ANO1: variants seen among roughly 807,000 people sequenced by gnomAD.
ANO1 encodes the protein anoctamin 1, also known as anoctamin-1.
A neutral mutation model predicts 124.0 loss-of-function variants in ANO1; 59 were observed. The ratio of observed to expected loss-of-function variants is 0.48; its 90% CI spans 0.39 to 0.59. The LOEUF (loss-of-function observed/expected upper bound fraction) is 0.59. ANO1 is among the 20% of genes least tolerant of loss of function. ANO1 has a pLI of 0.00. For missense variants in ANO1, 1,059 were observed against 1,328.0 expected (o/e 0.80, Z 3.15); for synonymous variants, 529 against 532.0 (o/e 0.99, Z 0.08).
At chr11:70,098,102 A>C (rs549190600) in intron 2 of ANO1, among the ~76,000 whole-genome samples, 1 of 152,200 alleles carries the variant, frequency 6.6e-6, no homozygotes, top group South Asian at 2.1e-4. Context: ...CCCGAGTCCG[A>C]CGGCAGGAGG....
chr11:70,047,073 T>C (rs1208823029), intron 1 of ANO1, among the ~76,000 whole-genome samples: 2 of 104,484 alleles, frequency 1.9e-5, no homozygotes, highest in Admixed American at 1.1e-4. Context: ...AGAGCGAGAC[T>C]CTGTCTCAAA....
At chr11:69,994,156 G>A (rs1384232867) in intron 1 of ANO1, among the ~76,000 whole-genome samples, 1 of 151,518 alleles carries the variant, frequency 6.6e-6, no homozygotes, top group Non-Finnish European at 1.5e-5. Context: ...TGGGCTAGCT[G>A]AGCATCACCT....
Position 70,187,815 on chromosome 11 carries a change from C to G in ANO1, c.2772C>G (p.His924Gln). 6.2e-7 allele frequency: 1 copy of G among 1,609,518 alleles called. No individual in the cohort carries two copies. Among genetic ancestry groups the G allele is most frequent in the South Asian group, 1.1e-5 (1 of 89,680 alleles). ...CCAAGGACATCAGCCAGCAGATCCA[C>G]AAGGAGAAGGTGCTCATGGTGGAGC... ...DIPKDISQQI[H>Q]KEKVLMVELF... The change falls in exon 26 of 26, where the codon CAC (histidine) becomes CAG (glutamine). Residue 924 changes from histidine (H) to glutamine (Q), a missense_variant. Transcript: ENST00000355303.
Position 70,121,435 on chromosome 11 carries a change from TCTCTGTCTCTGTCTCTCCATCTGC to T in ANO1, c.898-2897_898-2874del, listed in dbSNP as rs2046264394. Among the ~76,000 whole-genome samples the T allele has an allele frequency of 2.0e-5, 3 of 150,452 alleles. No homozygotes were observed. In the South Asian group the frequency reaches 6.4e-4, roughly 32 times the overall value. On this transcript the variant is annotated intron_variant, in intron 8 of 25. Coordinates refer to ENST00000355303, the MANE Select transcript of ANO1 (RefSeq NM_018043.7). ...TGTCTCCCCCACCTCTCTGTCAGTC[TCTCTGTCTCTGTCTCTCCATCTGC>T]CTCTGTCTCTGTCTCTCTCCATCTC...
At chr11:70,154,284 A>G (rs2047716806) in intron 14 of ANO1, among the ~76,000 whole-genome samples, 2 of 151,884 alleles carry the variant, frequency 1.3e-5, no homozygotes, top group Admixed American at 1.3e-4. Context: ...TTCCTTGTCA[A>G]TGTGTCAGGG....
At chr11:70,043,456 G>A (rs1386387468) in intron 1 of ANO1, among the ~76,000 whole-genome samples, 1 of 152,118 alleles carries the variant, frequency 6.6e-6, no homozygotes. Flanking sequence ...TTAATGAGAA[G>A]TATAAGCCCA....
upstream of ANO1, among the ~76,000 whole-genome samples, chr11:69,983,207 G>A (rs1454593276): frequency 3.3e-5 from 5 of 151,914 alleles, no homozygotes; most frequent in African/African-American, 1.2e-4. Context: ...TCCGGCTTGG[G>A]GTAGGTCTGT....
rs190789637 is a variant in ANO1, at chr11:69,997,917, C to T, written c.58+11751C>T. Among the ~76,000 whole-genome samples the T allele has an allele frequency of 3.0e-3, 458 of 152,276 alleles. 1 individual carries two copies. The highest frequency in any genetic ancestry group is 0.01 in the African/African-American group (428 of 41,536). On this transcript the variant is annotated intron_variant, in intron 1 of 27. Transcript: ENST00000531349. Reference sequence around the variant, plus strand: ...GCTGCCATGTTTCCTGTACAGCCTGCGGAGCCATCAGCCAAATTAAACCTC... The same window carrying T: ...GCTGCCATGTTTCCTGTACAGCCTGTGGAGCCATCAGCCAAATTAAACCTC...
In ANO1 at chr11:70,161,734, G is replaced by T; in HGVS notation, c.1892+1G>T. The T allele has an allele frequency of 6.2e-7, 1 of 1,613,354 alleles. No homozygotes were observed. Among genetic ancestry groups the T allele is most frequent in the South Asian group, 1.1e-5 (1 of 91,064 alleles). ...TTTACGTGGCGTTCTTCAAAGGCCG[G>T]TAGGGACATCTTCAGCCTTTCCCCA... is the stretch of plus-strand genomic sequence containing the variant. On this transcript the variant is annotated splice_donor_variant, in intron 18 of 25. Coordinates refer to ENST00000355303, the MANE Select transcript of ANO1 (RefSeq NM_018043.7). LOFTEE classifies it high-confidence loss of function.
At chr11:70,045,393 A>C (rs1822968378) in intron 1 of ANO1, among the ~76,000 whole-genome samples, 1 of 152,238 alleles carries the variant, frequency 6.6e-6, no homozygotes, top group Non-Finnish European at 1.5e-5. Context: ...TGGAACTGCC[A>C]GGATGTTAAG....
At chr11:70,035,144 A>G (rs1857072215) in intron 1 of ANO1, among the ~76,000 whole-genome samples, 1 of 152,136 alleles carries the variant, frequency 6.6e-6, no homozygotes, top group Non-Finnish European at 1.5e-5. Context: ...GTGCACAGGG[A>G]AACAAGGTGC....
chr11:70,110,820 G>A (rs1343661503), intron 6 of ANO1, among the ~76,000 whole-genome samples: 1 of 152,240 alleles, frequency 6.6e-6, no homozygotes, highest in Non-Finnish European at 1.5e-5. Flanking sequence ...TTTGGAGCAA[G>A]ATCTGATTTC....
In ANO1 at chr11:70,150,321, T is replaced by A. The variant is rs773777263; in HGVS notation, c.1341+529T>A. Reference sequence around the variant, plus strand: ...AAGCCAGTGTTGGGCATCTTCATACTCCAGAGAGAGGGACATTCAATATTA... The same window carrying A: ...AAGCCAGTGTTGGGCATCTTCATACACCAGAGAGAGGGACATTCAATATTA... On this transcript the variant is annotated intron_variant, in intron 12 of 25. Coordinates refer to ENST00000355303, the MANE Select transcript of ANO1 (RefSeq NM_018043.7). 2.0e-5 allele frequency among the ~76,000 whole-genome samples: 3 copies of A among 152,212 alleles called. No individual in the cohort carries two copies. The East Asian group carries it at 5.8e-4, about 29-fold the overall frequency.
rs1590895979 is a variant in ANO1 at position 70,163,704 on chromosome 11, A to C, written c.1950+364A>C. 3.0e-5 allele frequency: 15 copies of C among 492,384 alleles called. No individual in the cohort carries two copies. The East Asian group carries it at 5.4e-4, about 18-fold the overall frequency. The allele number at this position is 492,384 out of a possible 1,614,324, so 30.5% of individuals were successfully genotyped here. ...GTAATCCCAGCACTTTGGGAGGCCG[A>C]GACTCGTGGATCACCTGAGGTCAGG... is the stretch of plus-strand genomic sequence containing the variant. On this transcript the variant is annotated intron_variant, in intron 19 of 25. Coordinates refer to ENST00000355303, the MANE Select transcript of ANO1 (RefSeq NM_018043.7).
chr11:69,991,747 G>A (rs1225265519), intron 1 of ANO1, among the ~76,000 whole-genome samples: 2 of 152,160 alleles, frequency 1.3e-5, no homozygotes, highest in African/African-American at 4.8e-5. Flanking sequence ...ACAATTCCAG[G>A]AGCTGGGATA....
rs777282066 is a variant in ANO1, at chr11:70,105,720, C to T, written c.693-14C>T. On this transcript the variant is annotated splice_polypyrimidine_tract_variant and intron_variant, in intron 4 of 25. Coordinates refer to ENST00000355303, the MANE Select transcript of ANO1 (RefSeq NM_018043.7). ...GGTGAACTGTGTCTTGTTTCCTTCC[C>T]GATATTTCCACAGATTTGACTTGTC... 4.3e-6 allele frequency: 7 copies of T among 1,613,088 alleles called. No individual in the cohort carries two copies. The highest frequency in any genetic ancestry group is 2.2e-5 in the South Asian group (2 of 91,036).
intron 16 of ANO1, among the ~76,000 whole-genome samples, chr11:70,158,269 T>G (rs1305924212): frequency 1.3e-5 from 2 of 152,192 alleles, no homozygotes; most frequent in African/African-American, 2.4e-5. Flanking sequence ...TAGCTGTGTT[T>G]CCATCACCCC....
In ANO1 at chr11:70,126,125, A is replaced by T; in HGVS notation, c.1027A>T (p.Ile343Phe). ...GCTGGGCGTGTACACCCAGATGCTC[A>T]TCCCTGCCTCCATCGTGGGAATCAT... is the stretch of plus-strand genomic sequence containing the variant. ...AWLGVYTQML[I>F]PASIVGIIVF... The change falls in exon 10 of 26, where the codon ATC (isoleucine) becomes TTC (phenylalanine). Residue 343 changes from isoleucine (I) to phenylalanine (F), a missense_variant. Around this residue, in one of 2 missense-constraint regions of ANO1, gnomAD observed 809 missense variants for 1,094.9 expected, o/e 0.74. Transcript: ENST00000355303. 1 of 1,613,722 alleles carries T rather than the reference A, an allele frequency of 6.2e-7. No homozygotes were observed. The highest frequency in any genetic ancestry group is 1.1e-5 in the South Asian group (1 of 90,974).
rs78030015 is a variant in ANO1, at chr11:70,019,404, G to C, written c.58+33238G>C. On this transcript the variant is annotated intron_variant, in intron 1 of 27. Transcript: ENST00000531349. ...AAGGGATGTTCTAAAGGGAAAGAAA[G>C]CAAGGAAACCGTTACATTAAGGAAC... 6.9e-3 allele frequency among the ~76,000 whole-genome samples: 1,058 copies of C among 152,286 alleles called. 16 individuals carry two copies. The highest frequency in any genetic ancestry group is 0.023 in the African/African-American group (976 of 41,554).
Sources: gnomAD v4.1 joint callset for allele counts (sites outside exome capture counted in the v4.1 genomes callset) on GRCh38, gnomAD v4.1.1 for gene constraint, gnomAD v4.1.1 regional missense constraint, MANE v1.5 for transcripts, NCBI Gene and HGNC (gene_info 2026-07-23, HGNC 2026-07-21) for gene names.